The following PLAGL1 variants were observed in gnomAD, a reference collection of about 807,000 sequenced individuals.
PLAGL1 encodes zinc finger protein PLAGL1.
A neutral mutation model predicts 4.6 loss-of-function variants in PLAGL1; 1 was observed. The observed-to-expected ratio is 0.22, with a 90% CI of 0.08 to 1.03. The LOEUF (loss-of-function observed/expected upper bound fraction) is 1.03. PLAGL1 is among the 50% of genes least tolerant of loss of function. The pLI is 0.58. For synonymous variants in PLAGL1, 240 were observed against 237.8 expected (o/e 1.01, Z -0.08); for missense variants, 464 against 570.4 (o/e 0.81, Z 1.90).
chr6:143,974,770 A>T (rs1041754625), intron 2 of PLAGL1, among the ~76,000 whole-genome samples: 4 of 152,146 alleles, frequency 2.6e-5, no homozygotes, highest in Non-Finnish European at 4.4e-5. Context: ...TATGTATCTC[A>T]TCAAAGAAAC....
intron 1 of PLAGL1, among the ~76,000 whole-genome samples, chr6:144,035,531 G>A (rs1215100145): frequency 6.6e-6 from 1 of 152,198 alleles, no homozygotes; most frequent in African/African-American, 2.4e-5. Flanking sequence ...CCAGACTGAG[G>A]GTGGGTCTCC....
At chr6:144,014,687 C>G (rs533014972) in intron 1 of PLAGL1, among the ~76,000 whole-genome samples, 107 of 152,178 alleles carry the variant, frequency 7.0e-4, no homozygotes, top group African/African-American at 2.5e-3. Flanking sequence ...TCAAGTGATT[C>G]TACTGCCTCA....
At position 144,034,197 on chromosome 6, in the gene PLAGL1, G is replaced by A. The variant is rs771714804; in HGVS notation, c.-151+30271C>T. Among the ~76,000 whole-genome samples, 3 of 152,114 alleles carry A rather than the reference G, an allele frequency of 2.0e-5. No individual in the cohort carries two copies. Among genetic ancestry groups the A allele is most frequent in the Non-Finnish European group, 4.4e-5 (3 of 68,022 alleles). ...GGAGGAGGGGGTGCCCCAGCTTAGC[G>A]AACCCCAGCCTCCCTCCTGGGGTGC... On this transcript the variant is annotated intron_variant, in intron 1 of 3. Coordinates refer to the PLAGL1 transcript ENST00000437412. This position sits in a 1 kb window ranked among gnomAD's most constrained non-coding sequence, Gnocchi z 4.7.
rs114704535 is a variant in PLAGL1, at chr6:143,963,434, A to G, written c.-399+1353T>C. ...GCCTGTTCTAGCTAATGGCACCGCT[A>G]TGCAATAGCCATCAGAGCTCCCGGA... On this transcript the variant is annotated intron_variant, in intron 5 of 7. Transcript: ENST00000674357. The surrounding 1 kb of genome is among the most constrained non-coding windows in gnomAD (Gnocchi z 6.1). 3.2e-4 allele frequency among the ~76,000 whole-genome samples: 48 copies of G among 152,340 alleles called. No individual in the cohort carries two copies. The highest frequency in any genetic ancestry group is 1.1e-3 in the African/African-American group (46 of 41,580).
chr6:143,947,350 C>T lies in PLAGL1; in HGVS notation c.152+635G>A, dbSNP rs1414396651. Among the ~76,000 whole-genome samples, 1 of 152,184 alleles carries T rather than the reference C, an allele frequency of 6.6e-6. No homozygotes were observed. The highest frequency in any genetic ancestry group is 2.4e-5 in the African/African-American group (1 of 41,430). The stretch of plus-strand genomic sequence containing the variant: ...GCAGGTTTCAAATCAGCCTTCCTGC[C>T]ACTTCTTCAAATTATTATCTGAGTC... On this transcript the variant is annotated intron_variant, in intron 7 of 7. Coordinates refer to ENST00000674357, the MANE Select transcript of PLAGL1 (RefSeq NM_001317162.2). The surrounding 1 kb of genome is among the most constrained non-coding windows in gnomAD (Gnocchi z 4.3).
chr6:143,943,053 G>A (rs373645959), intron 7 of PLAGL1, among the ~76,000 whole-genome samples: 692 of 6,390 alleles, frequency 0.11, 9 homozygotes, highest in Non-Finnish European at 0.22. Flanking sequence ...TTTTTTTTGA[G>A]ACAAGGTCTC....
Position 143,949,170 on chromosome 6 carries a change from A to G in PLAGL1, c.-324-710T>C, listed in dbSNP as rs1039443634. ...CTTTTTTGTTTATGGACCTTTCTTC[A>G]TTCCCTGGCCCTACCCTGGAGGGCC... On this transcript the variant is annotated intron_variant, in intron 6 of 7. Coordinates refer to ENST00000674357, the MANE Select transcript of PLAGL1 (RefSeq NM_001317162.2). This position sits in a 1 kb window ranked among gnomAD's most constrained non-coding sequence, Gnocchi z 5.3. 6.6e-6 allele frequency among the ~76,000 whole-genome samples: 1 copy of G among 152,066 alleles called. No homozygotes were observed.
chr6:144,009,119 C>T (rs531335615), upstream of PLAGL1, among the ~76,000 whole-genome samples: 2 of 152,338 alleles, frequency 1.3e-5, no homozygotes, highest in East Asian at 3.9e-4. Context: ...TCTCATAGCT[C>T]TGAAAGATGA....
In PLAGL1 at chr6:144,045,000, C is replaced by CT. The variant is rs138373370; in HGVS notation, c.-151+19467dup. ...TCAGAGACTAGGATTGCAACCCCTG[C>CT]TTTTTTTTTTTTTTTTTTGGCTTTC... On this transcript the variant is annotated intron_variant, in intron 1 of 3. Transcript: ENST00000437412. Among the ~76,000 whole-genome samples the CT allele has an allele frequency of 4.0e-3, 187 of 47,338 alleles. 2 individuals are homozygous for CT. The highest frequency in any genetic ancestry group is 8.8e-3 in the Admixed American group (42 of 4,768). 31.1% of individuals were successfully genotyped at this position (47,338 alleles called of 152,430 possible).
upstream of PLAGL1, among the ~76,000 whole-genome samples, chr6:144,012,374 G>A (rs9386055): frequency 0.3 from 45,469 of 151,454 alleles, 6,959 homozygotes; most frequent in Middle Eastern, 0.37. This position sits in a 1 kb window ranked among gnomAD's most constrained non-coding sequence, Gnocchi z 4.8. Flanking sequence ...CATCACAACC[G>A]GCTAATTTTT....
chr6:143,976,766 C>T (rs912781519), intron 2 of PLAGL1, among the ~76,000 whole-genome samples: 1 of 152,152 alleles, frequency 6.6e-6, no homozygotes, highest in African/African-American at 2.4e-5. Flanking sequence ...CTAATTCTAT[C>T]TTCTCTCACA....
intron 1 of PLAGL1, among the ~76,000 whole-genome samples, chr6:144,060,919 A>T (rs1799340684): frequency 6.6e-6 from 1 of 152,232 alleles, no homozygotes; most frequent in Non-Finnish European, 1.5e-5. Context: ...TTTCTCTAGT[A>T]ATATTTCAGT....
chr6:143,944,032 A>C (rs1331859395), intron 7 of PLAGL1, among the ~76,000 whole-genome samples: 1 of 152,188 alleles, frequency 6.6e-6, no homozygotes, highest in Non-Finnish European at 1.5e-5. Flanking sequence ...CCTTCATTAC[A>C]ACTTGTAGCT....
chr6:143,971,830 T>G lies in PLAGL1; in HGVS notation c.-543-2852A>C, dbSNP rs1785479381. 6.6e-6 allele frequency among the ~76,000 whole-genome samples: 1 copy of G among 152,202 alleles called. No individual in the cohort carries two copies. Among genetic ancestry groups the G allele is most frequent in the Non-Finnish European group, 1.5e-5 (1 of 68,030 alleles). On this transcript the variant is annotated intron_variant, in intron 2 of 7. Transcript: ENST00000674357. This position sits in a 1 kb window ranked among gnomAD's most constrained non-coding sequence, Gnocchi z 4.7. ...ATCTCAATCACTAAATTCGGTCAAG[T>G]AAAAGTCTACAAAATTCTAAATGAA...
At position 144,000,808 on chromosome 6, in the gene PLAGL1, C is replaced by T. The variant is rs1391946863; in HGVS notation, c.-584+7282G>A. On this transcript the variant is annotated intron_variant, in intron 1 of 7. Transcript: ENST00000674357. The surrounding 1 kb of genome is among the most constrained non-coding windows in gnomAD (Gnocchi z 4.1). ...GGAGAGCTAGACATTCTAAAACAAA[C>T]CTTTTAATACTTGCAAAGTTCTAAG... 6.6e-6 allele frequency among the ~76,000 whole-genome samples: 1 copy of T among 152,072 alleles called. No homozygotes were observed. Among genetic ancestry groups the T allele is most frequent in the Non-Finnish European group, 1.5e-5 (1 of 67,960 alleles).
In PLAGL1 at chr6:143,954,132, G is replaced by T. The variant is rs1041262382; in HGVS notation, c.-324-5672C>A. ...ACAAAGGGGGTTTCCTCCAGGGGTC[G>T]CCACCTTACCCTATACAAGGCCCCA... On this transcript the variant is annotated intron_variant, in intron 6 of 7. Coordinates refer to ENST00000674357, the MANE Select transcript of PLAGL1 (RefSeq NM_001317162.2). The surrounding 1 kb of genome is among the most constrained non-coding windows in gnomAD (Gnocchi z 5.1). 6.6e-6 allele frequency among the ~76,000 whole-genome samples: 1 copy of T among 152,012 alleles called. No homozygotes were observed. The highest frequency in any genetic ancestry group is 2.4e-5 in the African/African-American group (1 of 41,382).
At chr6:144,038,584 T>G (rs1797458217) in intron 1 of PLAGL1, among the ~76,000 whole-genome samples, 1 of 152,136 alleles carries the variant, frequency 6.6e-6, no homozygotes, top group African/African-American at 2.4e-5. Flanking sequence ...GGGGAAAGAA[T>G]AGTTTTTTTT....
In PLAGL1 at chr6:144,050,756, G is replaced by A. The variant is rs1798520982; in HGVS notation, c.-151+13712C>T. Among the ~76,000 whole-genome samples, 1 of 152,074 alleles carries A rather than the reference G, an allele frequency of 6.6e-6. No individual in the cohort carries two copies. Among genetic ancestry groups the A allele is most frequent in the African/African-American group, 2.4e-5 (1 of 41,404 alleles). On this transcript the variant is annotated intron_variant, in intron 1 of 3. Coordinates refer to the PLAGL1 transcript ENST00000437412. The surrounding 1 kb of genome is among the most constrained non-coding windows in gnomAD (Gnocchi z 4.3). ...AAAAATTTTTTTTTAAGTAAATCAG[G>A]TGTGGTGGCACATGCCTGTTGTCCC...
chr6:143,942,832 G>A lies in PLAGL1; in HGVS notation c.153-169C>T, dbSNP rs1323676235. Among the ~76,000 whole-genome samples, 1 of 151,988 alleles carries A rather than the reference G, an allele frequency of 6.6e-6. No individual in the cohort carries two copies. Among genetic ancestry groups the A allele is most frequent in the African/African-American group, 2.4e-5 (1 of 41,380 alleles). The stretch of plus-strand genomic sequence containing the variant: ...ATATAAACTTTTATAATTAAGAAAA[G>A]CAAGCAATACTAAAGCCATAATACA... On this transcript the variant is annotated intron_variant, in intron 7 of 7. Transcript: ENST00000674357. The surrounding 1 kb of genome is among the most constrained non-coding windows in gnomAD (Gnocchi z 7.6).
Sources: gnomAD v4.1 joint callset for allele counts (sites outside exome capture counted in the v4.1 genomes callset) on GRCh38, gnomAD v4.1.1 for gene constraint, Gnocchi (gnomAD v3.1) non-coding constraint, MANE v1.5 for transcripts, NCBI Gene and HGNC (gene_info 2026-07-23, HGNC 2026-07-21) for gene names.